INTS9: variants seen among roughly 807,000 people sequenced by gnomAD.
INTS9 encodes the protein protein related to CPSF subunits of 74 kDa.
INTS9 carries 55 observed loss-of-function variants against 79.7 expected under a neutral mutation model. The observed-to-expected ratio is 0.69, with a 90% CI of 0.56 to 0.86. The LOEUF (loss-of-function observed/expected upper bound fraction) is 0.86, where lower values mean the gene tolerates loss of function less well. Among genes scored for constraint, INTS9 ranks in the 40% least tolerant of loss-of-function variants. The probability of loss-of-function intolerance (pLI) is 0.00; values close to 1 mark genes in which losing one functional copy is unlikely to be tolerated. For synonymous variants in INTS9, 319 were observed against 325.2 expected, an observed-to-expected ratio of 0.98 and a Z score of 0.20; for missense variants, 721 against 831.5, an observed-to-expected ratio of 0.87 and a Z score of 1.64.
chr8:28,806,669 C>T (rs138202621), intron 8 of INTS9, among the ~76,000 whole-genome samples: 3 of 152,274 alleles, frequency 2.0e-5, no homozygotes, highest in Admixed American at 2.0e-4. Context: ...TATTATAATG[C>T]AAAAGATTAG....
chr8:28,790,697 G>A (rs1803874832), intron 10 of INTS9, among the ~76,000 whole-genome samples: 2 of 152,142 alleles, frequency 1.3e-5, no homozygotes, highest in South Asian at 4.1e-4. Flanking sequence ...CCCCAAAAAT[G>A]CAGGCATTAC....
intron 2 of INTS9, among the ~76,000 whole-genome samples, chr8:28,856,966 G>A (rs1808202137): frequency 6.6e-6 from 1 of 152,154 alleles, no homozygotes; most frequent in Non-Finnish European, 1.5e-5. Flanking sequence ...ATGAGAACAT[G>A]CGGTATTTGG....
In INTS9 at chr8:28,780,955, G is replaced by A; in HGVS notation, c.1138C>T (p.His380Tyr). Residue 380 changes from histidine (H) to tyrosine (Y), a missense_variant, in exon 12 of 17, where the codon CAC becomes TAC. By Grantham distance (83) the His-to-Tyr change is moderately conservative. Around this residue, in one of 3 missense-constraint regions of INTS9, gnomAD observed 149 missense variants for 223.7 expected, o/e 0.67. Coordinates refer to ENST00000521022, the MANE Select transcript of INTS9 (RefSeq NM_018250.4). ...CTAAAGTCGTTGCTGAAGTCTCCGT[G>A]GATGCTGGGGTAGTGCTTCAGCTTA... is the stretch of plus-strand genomic sequence containing the variant. The part of the protein sequence containing the change: ...TNKLKHYPSI[H>Y]GDFSNDFRQP... 1.2e-6 allele frequency: 2 copies of A among 1,614,118 alleles called. No homozygotes were observed. Among genetic ancestry groups the A allele is most frequent in the Non-Finnish European group, 1.7e-6 (2 of 1,180,004 alleles).
chr8:28,828,638 T>C (rs1359330234), intron 6 of INTS9, among the ~76,000 whole-genome samples: 1 of 152,214 alleles, frequency 6.6e-6, no homozygotes, highest in South Asian at 2.1e-4. Context: ...GATAAATTCC[T>C]GTATGCATAC....
At chr8:28,803,556 A>C (rs1332529982) in intron 8 of INTS9, among the ~76,000 whole-genome samples, 3 of 152,196 alleles carry the variant, frequency 2.0e-5, no homozygotes. Context: ...AAAAGTTTTA[A>C]GCCATTTAAA....
intron 8 of INTS9, among the ~76,000 whole-genome samples, chr8:28,811,122 C>T (rs891892451): frequency 6.4e-5 from 9 of 140,674 alleles, no homozygotes; most frequent in Admixed American, 4.9e-4. Context: ...TTTTTTCTTT[C>T]TCTCTCTTTT....
At chr8:28,801,883 G>A (rs1372385165) in intron 8 of INTS9, among the ~76,000 whole-genome samples, 1 of 152,150 alleles carries the variant, frequency 6.6e-6, no homozygotes, top group Non-Finnish European at 1.5e-5. Flanking sequence ...AAAGTGCTGG[G>A]ATTACAGGCG....
intron 1 of INTS9, among the ~76,000 whole-genome samples, chr8:28,871,807 A>G (rs1277834981): frequency 6.6e-6 from 1 of 152,206 alleles, no homozygotes; most frequent in Non-Finnish European, 1.5e-5. Flanking sequence ...GAGAAAAACT[A>G]CTTTGAATAA....
chr8:28,849,293 A>G (rs1024162182), intron 3 of INTS9, among the ~76,000 whole-genome samples: 2 of 152,194 alleles, frequency 1.3e-5, no homozygotes, highest in Admixed American at 6.5e-5. Flanking sequence ...TTATAGTTGT[A>G]ACATTTTTGG....
At chr8:28,776,090 G>C (rs1802861490) in intron 13 of INTS9, 164 bp from the exon 14 acceptor site, 1 of 520,296 alleles carries the variant, frequency 1.9e-6, no homozygotes, top group Non-Finnish European at 3.3e-6. Context: ...AGACAGGAGA[G>C]GGAACGTGAA....
intron 11 of INTS9, among the ~76,000 whole-genome samples, chr8:28,784,287 T>C (rs1803462416): frequency 6.6e-6 from 1 of 152,214 alleles, no homozygotes; most frequent in African/African-American, 2.4e-5. Context: ...GTGATCACAC[T>C]CCTAGAAAAC....
At position 28,816,304 on chromosome 8, in the gene INTS9, TCCCCCCA is replaced by T. The variant is rs1484379900; in HGVS notation, c.489-2699_489-2693del. On this transcript the variant is annotated intron_variant, in intron 6 of 16. Coordinates refer to ENST00000521022, the MANE Select transcript of INTS9 (RefSeq NM_018250.4). ...GTCCCCTAAAGCTGTCCCTCCCCCC[TCCCCCCA>T]CCCACAACAGTCCCCAGAGTGTGAT... Among the ~76,000 whole-genome samples, 34 of 64,528 alleles carry T rather than the reference TCCCCCCA, an allele frequency of 5.3e-4. No homozygotes were observed. The Admixed American group carries it at 8.0e-3, about 15-fold the overall frequency. The allele number at this position is 64,528 out of a possible 152,430, so 42.3% of individuals were successfully genotyped here. A position where few individuals can be genotyped will look rare whatever the true frequency, so the allele number is the denominator to read the frequency against.
chr8:28,813,824 CA>C, intron 6 of INTS9: 1 of 416,910 alleles, frequency 2.4e-6, no homozygotes, highest in East Asian at 4.8e-5. Flanking sequence ...GCTATGGCGC[CA>C]TCTCGGCTCA....
At chr8:28,879,875 CGA>C (rs1322144079) in intron 1 of INTS9, among the ~76,000 whole-genome samples, 1 of 151,972 alleles carries the variant, frequency 6.6e-6, no homozygotes, top group East Asian at 1.9e-4. Context: ...GCAAATCTAC[CGA>C]GACTCGTGGT....
At chr8:28,826,930 CT>C (rs1201426940) in intron 6 of INTS9, among the ~76,000 whole-genome samples, 1 of 152,152 alleles carries the variant, frequency 6.6e-6, no homozygotes, top group Non-Finnish European at 1.5e-5. Flanking sequence ...CCACAAAGTC[CT>C]TTTGCTGACA....
intron 3 of INTS9, among the ~76,000 whole-genome samples, chr8:28,849,647 A>G (rs1373074185): frequency 1.3e-5 from 2 of 152,038 alleles, no homozygotes; most frequent in Non-Finnish European, 2.9e-5. Context: ...GAAGTCAAAC[A>G]CTCTGCTCCT....
intron 6 of INTS9, among the ~76,000 whole-genome samples, chr8:28,820,678 A>G (rs1239846381): frequency 6.6e-6 from 1 of 152,194 alleles, no homozygotes; most frequent in Non-Finnish European, 1.5e-5. Flanking sequence ...TCACAGATAA[A>G]CAATTATGAA....
chr8:28,785,387 T>C (rs942142434), intron 11 of INTS9, among the ~76,000 whole-genome samples: 8 of 152,226 alleles, frequency 5.3e-5, no homozygotes, highest in Admixed American at 3.3e-4. Flanking sequence ...GATTTTCTAA[T>C]TCTAAGGTTC....
At chr8:28,837,002 T>C (rs1806843892) in intron 5 of INTS9, among the ~76,000 whole-genome samples, 2 of 152,160 alleles carry the variant, frequency 1.3e-5, no homozygotes, top group Non-Finnish European at 2.9e-5. Flanking sequence ...TAATTTTCTT[T>C]ACCTAATTCC....
Sources: allele counts gnomAD v4.1 joint callset (sites outside exome capture counted in the v4.1 genomes callset), GRCh38; gene constraint gnomAD v4.1.1; regional missense constraint gnomAD v4.1.1; transcripts MANE v1.5; gene names NCBI Gene and HGNC (gene_info 2026-07-23, HGNC 2026-07-21).